SLC35F4: variants seen among roughly 807,000 people sequenced by gnomAD.
The protein encoded by SLC35F4 is chromosome 14 open reading frame 36.
In SLC35F4, 24 loss-of-function variants were observed where a neutral mutation model predicts 44.2. That is an observed-to-expected ratio of 0.54 (90% CI 0.39 to 0.76). SLC35F4 has a LOEUF of 0.76. Ranked by LOEUF, SLC35F4 falls within the 30% of genes least tolerant of loss-of-function variation. SLC35F4 has a pLI of 0.00. For synonymous variants in SLC35F4, 238 were observed against 223.6 expected (o/e 1.06, Z -0.57); for missense variants, 562 against 586.1 (o/e 0.96, Z 0.42).
At chr14:57,598,878 AATGTGTGTGTGTATGTGTGT>A (rs1833761858) in intron 1 of SLC35F4, among the ~76,000 whole-genome samples, 2 of 117,122 alleles carry the variant, frequency 1.7e-5, no homozygotes, top group Non-Finnish European at 3.8e-5. Context: ...CGATCTAGGG[AATGTGTGTGTGTATGTGTGT>A]GTGTGTGTGT....
chr14:57,866,122 G>T, upstream of SLC35F4: 1 of 187,672 alleles, frequency 5.3e-6, no homozygotes, highest in Non-Finnish European at 1.1e-5. Context: ...CGCCCACCGT[G>T]GCCGGGGGCG....
chr14:57,922,601 C>T (rs890528492), intron 1 of SLC35F4, among the ~76,000 whole-genome samples: 1 of 152,228 alleles, frequency 6.6e-6, no homozygotes, highest in East Asian at 1.9e-4. Context: ...AGGGTTCTCT[C>T]TGTCCTCCTC....
intron 1 of SLC35F4, among the ~76,000 whole-genome samples, chr14:57,946,459 G>GTTTTC (rs1215709145): frequency 1.6e-5 from 2 of 122,472 alleles, no homozygotes; most frequent in Non-Finnish European, 3.3e-5. Flanking sequence ...GTTTTGTTTT[G>GTTTTC]TTTTCTTTTC....
chr14:57,963,973 C>T (rs1390831554), intron 1 of SLC35F4, among the ~76,000 whole-genome samples: 2 of 152,068 alleles, frequency 1.3e-5, no homozygotes, highest in Non-Finnish European at 2.9e-5. Flanking sequence ...TCTCCCACCT[C>T]GGCCTCCCAA....
In SLC35F4 at chr14:57,669,556, G is replaced by T. The variant is rs555482820; in HGVS notation, c.104-75432C>A. On this transcript the variant is annotated intron_variant, in intron 1 of 7. Transcript: ENST00000556826. ...TTAGCATGAAGGGCAGTTGAATTTT[G>T]TCAAAGGCCTTTTCTGCATCTATTG... Among the ~76,000 whole-genome samples, 100 of 152,126 alleles carry T rather than the reference G, an allele frequency of 6.6e-4. 1 individual carries two copies. The highest frequency in any genetic ancestry group is 5.6e-3 in the South Asian group (27 of 4,812).
chr14:57,644,283 T>C (rs1432394642), intron 1 of SLC35F4, among the ~76,000 whole-genome samples: 2 of 152,166 alleles, frequency 1.3e-5, no homozygotes, highest in African/African-American at 2.4e-5. Flanking sequence ...GCACCTGTTG[T>C]TTCCTGACTT....
At chr14:57,687,964 T>C (rs2075115696) in intron 1 of SLC35F4, among the ~76,000 whole-genome samples, 2 of 152,210 alleles carry the variant, frequency 1.3e-5, no homozygotes, top group Non-Finnish European at 1.5e-5. Context: ...TGCAAGATTG[T>C]AGAATCATCA....
intron 1 of SLC35F4, among the ~76,000 whole-genome samples, chr14:57,741,243 G>A (rs953299509): frequency 6.6e-6 from 1 of 152,212 alleles, no homozygotes; most frequent in African/African-American, 2.4e-5. Context: ...TGACTTTGAC[G>A]AGTTGAGAGA....
At chr14:57,829,315 T>A (rs952147273) in intron 1 of SLC35F4, among the ~76,000 whole-genome samples, 1 of 152,056 alleles carries the variant, frequency 6.6e-6, no homozygotes, top group African/African-American at 2.4e-5. Flanking sequence ...TGCCTATAGG[T>A]CTGGGTCGTG....
intron 1 of SLC35F4, among the ~76,000 whole-genome samples, chr14:57,900,675 CA>C (rs1888980912): frequency 6.6e-6 from 1 of 152,146 alleles, no homozygotes; most frequent in African/African-American, 2.4e-5. Flanking sequence ...CAAAAATTGA[CA>C]AATAGGATCT....
chr14:57,779,916 T>C (rs2077576308), intron 1 of SLC35F4, among the ~76,000 whole-genome samples: 1 of 152,096 alleles, frequency 6.6e-6, no homozygotes. Context: ...ACAAACTAGG[T>C]ATTGATGGAA....
chr14:57,961,525 C>T (rs1026608566), intron 1 of SLC35F4, among the ~76,000 whole-genome samples: 1 of 152,196 alleles, frequency 6.6e-6, no homozygotes, highest in Non-Finnish European at 1.5e-5. Flanking sequence ...TCAGCCTTGG[C>T]TATCACTTTA....
Position 57,746,411 on chromosome 14 carries a change from GATC to G in SLC35F4, c.103+119309_103+119311del, listed in dbSNP as rs2076755193. ...ATACTTTTTCTGTATTTTTTGTAAT[GATC>G]ATATTATTTTTCTCTTTGCTAACAA... On this transcript the variant is annotated intron_variant, in intron 1 of 7. Transcript: ENST00000556826. Among the ~76,000 whole-genome samples the G allele has an allele frequency of 1.1e-4, 17 of 152,108 alleles. 1 individual carries two copies. The South Asian group carries it at 3.5e-3, about 32-fold the overall frequency.
intron 1 of SLC35F4, among the ~76,000 whole-genome samples, chr14:57,655,508 T>C (rs1346150799): frequency 6.6e-6 from 1 of 152,102 alleles, no homozygotes; most frequent in Admixed American, 6.5e-5. Flanking sequence ...AACACAGCAA[T>C]GAGGGGAGGA....
At chr14:57,798,877 G>A (rs1033819320) in intron 1 of SLC35F4, among the ~76,000 whole-genome samples, 6 of 152,150 alleles carry the variant, frequency 3.9e-5, no homozygotes, top group African/African-American at 1.4e-4. Flanking sequence ...GAGAAGCAGA[G>A]AATAAATGAA....
chr14:57,937,066 T>TGC (rs745566380), intron 1 of SLC35F4, among the ~76,000 whole-genome samples: 11 of 147,584 alleles, frequency 7.5e-5, no homozygotes, highest in South Asian at 2.1e-4. Flanking sequence ...TTTACCTGCT[T>TGC]TTTTTTTTTT....
At position 57,859,872 on chromosome 14, in the gene SLC35F4, C is replaced by T. The variant is rs146374764; in HGVS notation, c.103+5851G>A. ...ATTGGTTTGATATAGACATTAGAAG[C>T]TGAAATGCATAATGAGAAGGAAAAG... On this transcript the variant is annotated intron_variant, in intron 1 of 7. Coordinates refer to ENST00000556826, the MANE Select transcript of SLC35F4 (RefSeq NM_001306087.2). 4.3e-3 allele frequency among the ~76,000 whole-genome samples: 651 copies of T among 152,224 alleles called. 7 individuals carry two copies. Among genetic ancestry groups the T allele is most frequent in the African/African-American group, 0.015 (627 of 41,536 alleles).
At chr14:57,729,403 G>A (rs759213658) in intron 1 of SLC35F4, among the ~76,000 whole-genome samples, 1 of 152,166 alleles carries the variant, frequency 6.6e-6, no homozygotes, top group Non-Finnish European at 1.5e-5. Flanking sequence ...CATACTCCTC[G>A]GGTATTGCTG....
chr14:57,795,293 C>G (rs969292215), intron 1 of SLC35F4, among the ~76,000 whole-genome samples: 1 of 152,114 alleles, frequency 6.6e-6, no homozygotes, highest in Non-Finnish European at 1.5e-5. Context: ...TTTGTTCTGT[C>G]TATGACTTTC....
Sources: allele counts gnomAD v4.1 joint callset (sites outside exome capture counted in the v4.1 genomes callset), GRCh38; gene constraint gnomAD v4.1.1; transcripts MANE v1.5; gene names NCBI Gene and HGNC (gene_info 2026-07-23, HGNC 2026-07-21).